TPH2: variants seen among roughly 807,000 people sequenced by gnomAD.
TPH2 encodes tryptophan hydroxylase 2.
Under a neutral mutation model 59.1 loss-of-function variants are expected in TPH2, and 27 were observed. The ratio of observed to expected loss-of-function variants is 0.46; its 90% CI spans 0.34 to 0.63. TPH2 has a LOEUF of 0.63. Ranked by LOEUF, TPH2 falls within the 30% of genes least tolerant of loss-of-function variation. The pLI is 0.01. For missense variants in TPH2, 523 were observed against 588.3 expected, an observed-to-expected ratio of 0.89 and a Z score of 1.15; for synonymous variants, 220 against 210.5, an observed-to-expected ratio of 1.05 and a Z score of -0.39.
intron 8 of TPH2, among the ~76,000 whole-genome samples, chr12:72,000,631 T>G (rs1220895079): frequency 6.6e-6 from 1 of 152,208 alleles, no homozygotes; most frequent in East Asian, 1.9e-4. Context: ...GAAAGGCACA[T>G]AGTAATCTTT....
rs750151630 is a variant in TPH2, at chr12:71,944,362, C to T, written c.324C>T (p.Ile108=). Residue 108 remains isoleucine, a synonymous_variant, in exon 3 of 11, where the codon ATC becomes ATT. Transcript: ENST00000333850. ...KSRRRSSEVE[I]FVDCECGKTE... The stretch of plus-strand genomic sequence containing the variant: ...GGCGAAGAAGTTCTGAGGTTGAAAT[C>T]TTTGTGGACTGTGAGTGTGGGAAAA... The T allele has an allele frequency of 1.2e-6, 2 of 1,613,780 alleles. No homozygotes were observed. The highest frequency in any genetic ancestry group is 3.3e-5 in the Admixed American group (2 of 59,964).
rs763501912 is a variant in TPH2 at position 71,979,008 on chromosome 12, C to A, written c.862C>A (p.Leu288Met). 7 of 1,613,734 alleles carry A rather than the reference C, an allele frequency of 4.3e-6. No individual in the cohort carries two copies. The South Asian group carries it at 7.7e-5, about 18-fold the overall frequency. ...VAGYLSPRDFLAGLAYRVFHC... is the reference protein window; with the variant it reads ...VAGYLSPRDFMAGLAYRVFHC... ...TGGATACCTGAGCCCACGAGACTTT[C>A]TGGCAGGACTGGCCTACAGAGTGTT... The change falls in exon 7 of 11, where the codon CTG becomes ATG. Residue 288 changes from leucine to methionine, a missense_variant. By Grantham distance (15) the Leu-to-Met change is conservative. Transcript: ENST00000333850.
chr12:71,979,161 A>G, intron 7 of TPH2, 74 bp downstream of exon 7: 1 of 1,598,254 alleles, frequency 6.3e-7, no homozygotes, highest in Non-Finnish European at 8.6e-7. Flanking sequence ...AAAATGACTT[A>G]GGCCCTGTTT....
At chr12:71,959,806 G>T (rs2139193493) in intron 5 of TPH2, among the ~76,000 whole-genome samples, 1 of 152,146 alleles carries the variant, frequency 6.6e-6, no homozygotes, top group South Asian at 2.1e-4. Flanking sequence ...ATTGGGGGGG[G>T]CGTTGCAAGT....
intron 9 of TPH2, among the ~76,000 whole-genome samples, chr12:72,030,990 T>C (rs997649434): frequency 2.0e-5 from 3 of 152,146 alleles, no homozygotes; most frequent in African/African-American, 7.2e-5. Flanking sequence ...AGTATGAATT[T>C]GGCTGGTAAT....
At chr12:71,998,517 G>T (rs1872747902) in intron 8 of TPH2, among the ~76,000 whole-genome samples, 1 of 151,846 alleles carries the variant, frequency 6.6e-6, no homozygotes, top group Non-Finnish European at 1.5e-5. Context: ...AAACCCCACA[G>T]ATTCCAACCA....
chr12:71,992,117 T>A (rs1364878014), intron 7 of TPH2, among the ~76,000 whole-genome samples: 1 of 152,194 alleles, frequency 6.6e-6, no homozygotes, highest in Admixed American at 6.5e-5. Context: ...AAAAGAGACT[T>A]AGGAAATACT....
chr12:72,017,078 C>T (rs1332754922), intron 8 of TPH2, among the ~76,000 whole-genome samples: 6 of 152,142 alleles, frequency 3.9e-5, no homozygotes, highest in African/African-American at 1.4e-4. Flanking sequence ...GTGCCTAATG[C>T]CAAACATAAG....
In TPH2 at chr12:71,944,592, A is replaced by G; in HGVS notation, c.446A>G (p.Glu149Gly). 6.2e-7 allele frequency: 1 copy of G among 1,613,958 alleles called. No homozygotes were observed. The highest frequency in any genetic ancestry group is 8.5e-7 in the Non-Finnish European group (1 of 1,179,834). Residue 149 changes from glutamate (E) to glycine (G), a missense_variant, in exon 4 of 11, where the codon GAG becomes GGG. Physicochemically the swap from Glu to Gly is moderately conservative, Grantham distance 98. Transcript: ENST00000333850. ...ENIWTEEEEL[E>G]DVPWFPRKIS... is the part of the protein sequence containing the mutation. ...CCTGCACTGTTTTCAACAGAGCTAG[A>G]GGATGTGCCCTGGTTCCCTCGGAAG...
chr12:71,981,350 A>G (rs1211057823), intron 7 of TPH2, among the ~76,000 whole-genome samples: 1 of 152,250 alleles, frequency 6.6e-6, no homozygotes, highest in African/African-American at 2.4e-5. Context: ...TCTGTAGGCA[A>G]CAGGGAGCTA....
intron 7 of TPH2, among the ~76,000 whole-genome samples, chr12:71,980,950 G>T (rs1171109178): frequency 6.6e-6 from 1 of 152,150 alleles, no homozygotes. Context: ...TTTTTTTAAA[G>T]CAGTTCACAT....
Position 72,022,411 on chromosome 12 carries a change from A to C in TPH2, c.1081A>C (p.Thr361Pro). 3 of 1,613,924 alleles carry C rather than the reference A, an allele frequency of 1.9e-6. No individual in the cohort carries two copies. The highest frequency in any genetic ancestry group is 2.5e-6 in the Non-Finnish European group (3 of 1,179,804). ...CGTTTTTCTTCAGTGCTATTTCTTCACAATCGAGTTTGGCCTTTGCAAGCA... is the reference window on the plus strand; with the variant it reads ...CGTTTTTCTTCAGTGCTATTTCTTCCCAATCGAGTTTGGCCTTTGCAAGCA... ...VQKLATCYFFTIEFGLCKQEG... is the reference protein window; with the variant it reads ...VQKLATCYFFPIEFGLCKQEG... The change falls in exon 9 of 11, where the codon ACA (threonine) becomes CCA (proline). Residue 361 changes from threonine (T) to proline (P), a missense_variant. Physicochemically the swap from Thr to Pro is conservative, Grantham distance 38. Transcript: ENST00000333850.
At chr12:71,966,294 A>G (rs1011880835) in intron 5 of TPH2, among the ~76,000 whole-genome samples, 4 of 152,258 alleles carry the variant, frequency 2.6e-5, no homozygotes, top group African/African-American at 4.8e-5. Context: ...ATTCAACACC[A>G]TAAGTTACAC....
At chr12:71,994,605 C>A in intron 8 of TPH2, 40 bp downstream of exon 8, 1 of 1,610,522 alleles carries the variant, frequency 6.2e-7, no homozygotes, top group South Asian at 1.1e-5. Context: ...CTATTTATGT[C>A]CATTTGTAAG....
intron 5 of TPH2, among the ~76,000 whole-genome samples, chr12:71,968,954 G>C (rs1388970200): frequency 2.6e-5 from 4 of 152,094 alleles, no homozygotes; most frequent in African/African-American, 9.7e-5. Flanking sequence ...TATGACTTCT[G>C]TTATATATAT....
chr12:71,941,219 CA>C (rs1462726712), intron 1 of TPH2, among the ~76,000 whole-genome samples: 1 of 152,052 alleles, frequency 6.6e-6, no homozygotes, highest in Non-Finnish European at 1.5e-5. Context: ...CCATAGGATT[CA>C]ACGAGGCTAA....
intron 8 of TPH2, among the ~76,000 whole-genome samples, chr12:72,004,289 T>C (rs1011483583): frequency 2.7e-5 from 4 of 150,570 alleles, no homozygotes; most frequent in Non-Finnish European, 5.9e-5. Context: ...CATCTTTCAA[T>C]TGAAGATATT....
chr12:71,952,398 G>A (rs1245770062), intron 5 of TPH2, among the ~76,000 whole-genome samples: 1 of 152,096 alleles, frequency 6.6e-6, no homozygotes, highest in Non-Finnish European at 1.5e-5. Flanking sequence ...GGGCCTGGCT[G>A]TTGGTAACTG....
intron 1 of TPH2, 29 bp from the exon 2 acceptor site, chr12:71,941,555 T>C (rs1871067040): frequency 1.2e-6 from 2 of 1,609,358 alleles, no homozygotes; most frequent in Non-Finnish European, 8.5e-7. Flanking sequence ...ACTAATATTT[T>C]GTTTTATTAT....
Sources: gnomAD v4.1 joint callset for allele counts (sites outside exome capture counted in the v4.1 genomes callset) on GRCh38, gnomAD v4.1.1 for gene constraint, MANE v1.5 for transcripts, NCBI Gene and HGNC (gene_info 2026-07-23, HGNC 2026-07-21) for gene names.